Variants in MCF2 observed in about 807,000 individuals in gnomAD.
The protein encoded by MCF2 is MCF.2 cell line derived transforming sequence.
A neutral mutation model predicts 82.5 loss-of-function variants in MCF2; 44 were observed. The observed-to-expected ratio is 0.53, with a 90% confidence interval of 0.42 to 0.69. The LOEUF (loss-of-function observed/expected upper bound fraction) is 0.69, where lower values mean the gene tolerates loss of function less well. Ranked by LOEUF, MCF2 falls within the 30% of genes least tolerant of loss-of-function variation. MCF2 has a pLI of 0.00. For synonymous variants in MCF2, 217 were observed against 224.9 expected, an observed-to-expected ratio of 0.96 and a Z score of 0.32; for missense variants, 623 against 663.1, an observed-to-expected ratio of 0.94 and a Z score of 0.66.
rs768671035 is a variant in MCF2 at position 139,630,040 on chromosome X, A to G, written c.289-196T>C. ...TTCATCTAAAACTCTAAGAAACTGA[A>G]GGAAGATTAAGAGTCTTCCTGAATA... On this transcript the variant is annotated intron_variant, in intron 3 of 24. Transcript: ENST00000370576. 2.7e-5 allele frequency among the ~76,000 whole-genome samples: 3 copies of G among 111,833 alleles called. No homozygotes were observed. The South Asian group carries it at 1.1e-3, about 42-fold the overall frequency.
At chrX:139,619,280 G>C (rs2148465814) in intron 7 of MCF2, among the ~76,000 whole-genome samples, 1 of 110,035 alleles carries the variant, frequency 9.1e-6, no homozygotes, top group East Asian at 2.9e-4. Context: ...GGCCTGCATT[G>C]AACAAAACAG....
upstream of MCF2, among the ~76,000 whole-genome samples, chrX:139,645,984 G>C (rs1052770629): frequency 9.0e-6 from 1 of 111,493 alleles, no homozygotes; most frequent in African/African-American, 3.3e-5. Flanking sequence ...TGTCCTTCAT[G>C]ATATCAGATT....
rs1454191183 is a variant in MCF2, at chrX:139,622,074, T to C, written c.688-2368A>G. 8.1e-5 allele frequency among the ~76,000 whole-genome samples: 9 copies of C among 111,661 alleles called. No homozygotes were observed. In the East Asian group the frequency reaches 1.4e-3, roughly 17 times the overall value. The stretch of plus-strand genomic sequence containing the variant: ...CCCATCAAAAAGTGGGCGAAGGATA[T>C]GAACAGACACTTCTCAAAAGAAGAC... On this transcript the variant is annotated intron_variant, in intron 6 of 24. Coordinates refer to ENST00000370576, the Ensembl canonical transcript of MCF2.
At chrX:139,588,756 C>A (rs35562373) in intron 20 of MCF2, among the ~76,000 whole-genome samples, 276 of 107,281 alleles carry the variant, frequency 2.6e-3, no homozygotes, top group South Asian at 0.015. Flanking sequence ...ACTACTACTA[C>A]TACTACTAAT....
At chrX:139,605,910 A>G (rs770465917) in intron 12 of MCF2, 131 bp from the exon 17 acceptor site, 12 of 424,964 alleles carry the variant, frequency 2.8e-5, no homozygotes, top group Non-Finnish European at 4.6e-5. Context: ...TCGTTTTAGC[A>G]TCAAAATATG....
At chrX:139,687,043 A>G (rs773458121) in intron 1 of MCF2, among the ~76,000 whole-genome samples, 12 of 44,732 alleles carry the variant, frequency 2.7e-4, no homozygotes, top group Admixed American at 2.2e-3. Context: ...ACGCATGCAC[A>G]CACACAACAC....
intron 11 of MCF2, among the ~76,000 whole-genome samples, chrX:139,608,204 CT>C (rs371006121): frequency 0.011 from 1,197 of 104,640 alleles, 19 homozygotes; most frequent in African/African-American, 0.038. Flanking sequence ...GATCCTTTTC[CT>C]TTTTTTTTTT....
intron 1 of MCF2, among the ~76,000 whole-genome samples, chrX:139,658,252 G>A (rs1433070422): frequency 9.0e-6 from 1 of 111,222 alleles, no homozygotes. Flanking sequence ...CATCTTCAAT[G>A]TCCAAGAGTC....
intron 3 of MCF2, 113 bp downstream of exon 6, chrX:139,631,282 T>G: frequency 4.7e-6 from 2 of 423,226 alleles, no homozygotes; most frequent in Non-Finnish European, 7.9e-6. Flanking sequence ...AAAGCTGGGG[T>G]TTTTTTGTTT....
At chrX:139,644,496 A>G (rs2148517746), upstream of MCF2, among the ~76,000 whole-genome samples, 1 of 112,235 alleles carries the variant, frequency 8.9e-6, no homozygotes, top group South Asian at 3.7e-4. Flanking sequence ...TCTAATGTTA[A>G]CTCTTCTCTC....
At chrX:139,645,496 T>A (rs1403489816), upstream of MCF2, 1 of 609,438 alleles carries the variant, frequency 1.6e-6, no homozygotes, top group Non-Finnish European at 2.6e-6. Context: ...CAAAGTAATC[T>A]ATACCTCCCA....
chrX:139,602,398 T>G lies in MCF2; in HGVS notation c.1836+8A>C, dbSNP rs1417299647. 8.8e-7 allele frequency: 1 copy of G among 1,140,267 alleles called. No individual in the cohort carries two copies. The highest frequency in any genetic ancestry group is 1.9e-5 in the South Asian group (1 of 53,933). The allele number at this position is 1,140,267 out of a possible 1,213,427, so 94.0% of individuals were successfully genotyped here. ...AGAATATATCCAATACTTGAATAATTACTGTACCTGGAAAAATGCGCATTC... is the reference window on the plus strand; with the variant it reads ...AGAATATATCCAATACTTGAATAATGACTGTACCTGGAAAAATGCGCATTC... On this transcript the variant is annotated splice_region_variant and intron_variant, in intron 16 of 24. Transcript: ENST00000370576.
chrX:139,632,264 A>G (rs764720276), intron 2 of MCF2, 71 bp downstream of exon 5: 27 of 856,520 alleles, frequency 3.2e-5, no homozygotes, highest in South Asian at 2.9e-4. Flanking sequence ...GGCACATGTA[A>G]AATATAAACA....
intron 19 of MCF2, 65 bp downstream of exon 23, chrX:139,596,484 A>G: frequency 1.1e-6 from 1 of 892,744 alleles, no homozygotes; most frequent in Non-Finnish European, 1.6e-6. Flanking sequence ...AACAAAAAAA[A>G]TGTACAAACT....
exon 25 of MCF2, chrX:139,582,391 T>C (rs1267835671): frequency 1.1e-5 from 12 of 1,053,459 alleles, no homozygotes; most frequent in South Asian, 5.7e-5. Flanking sequence ...TTGAGCTCAA[T>C]GTCTTTTGCG....
At chrX:139,642,648 C>T in exon 1 of MCF2, 50 of 1,170,564 alleles carry the variant, frequency 4.3e-5, no homozygotes, top group Non-Finnish European at 5.5e-5. Flanking sequence ...GCCGTGGCTG[C>T]TTCCATTAGC....
At chrX:139,652,258 C>A (rs1934048060) in intron 1 of MCF2, among the ~76,000 whole-genome samples, 1 of 111,620 alleles carries the variant, frequency 9.0e-6, no homozygotes, top group Non-Finnish European at 1.9e-5. Flanking sequence ...TCCCATTTTA[C>A]AAGTGGTTAA....
intron 1 of MCF2, among the ~76,000 whole-genome samples, chrX:139,688,330 A>G (rs759658817): frequency 5.4e-5 from 6 of 111,733 alleles, no homozygotes; most frequent in Admixed American, 9.5e-5. Flanking sequence ...AGTATTTTTG[A>G]AAAGCTTCTC....
chrX:139,651,070 A>G (rs1472065350), intron 2 of MCF2, among the ~76,000 whole-genome samples: 4 of 110,428 alleles, frequency 3.6e-5, no homozygotes, highest in South Asian at 3.8e-4. Context: ...ATGGATATAG[A>G]GTTTCAATTT....
Sources: allele counts gnomAD v4.1 joint callset (sites outside exome capture counted in the v4.1 genomes callset), GRCh38; gene constraint gnomAD v4.1.1; transcripts MANE v1.5; gene names NCBI Gene and HGNC (gene_info 2026-07-23, HGNC 2026-07-21).